The following FGGY variants were observed in gnomAD, a reference collection of about 807,000 sequenced individuals.
FGGY encodes FGGY carbohydrate kinase domain-containing protein.
A neutral mutation model predicts 71.3 loss-of-function variants in FGGY; 72 were observed. The ratio of observed to expected loss-of-function variants is 1.01; its 90% CI spans 0.84 to 1.23. The LOEUF is 1.23. FGGY is among the 50% of genes most tolerant of loss of function. The pLI is 0.00. For missense variants in FGGY, 668 were observed against 682.3 expected, an observed-to-expected ratio of 0.98 and a Z score of 0.23; for synonymous variants, 251 against 250.3, an observed-to-expected ratio of 1.00 and a Z score of -0.02.
chr1:59,357,283 AAAG>A (rs1247771542), intron 4 of FGGY, among the ~76,000 whole-genome samples: 2 of 139,686 alleles, frequency 1.4e-5, no homozygotes, highest in South Asian at 2.5e-4. Context: ...AAGGCAGACA[AAAG>A]AAAAAAAGTT....
intron 8 of FGGY, among the ~76,000 whole-genome samples, chr1:59,558,516 A>G (rs2153712790): frequency 6.6e-6 from 1 of 152,314 alleles, no homozygotes; most frequent in South Asian, 2.1e-4. Context: ...GTGCAAGAAC[A>G]GGGAGTAGGT....
chr1:59,379,162 A>ACACACACACACACACAC lies in FGGY; in HGVS notation c.554+325_554+326insCACACACACACACACAC, dbSNP rs2059056932. Among the ~76,000 whole-genome samples the ACACACACACACACACAC allele has an allele frequency of 4.9e-5, 7 of 143,236 alleles. No individual in the cohort carries two copies. In the South Asian group the frequency reaches 1.6e-3, roughly 32 times the overall value. 94.0% of individuals were successfully genotyped at this position (143,236 alleles called of 152,430 possible). Reference sequence around the variant, plus strand: ...ACATGATGAATAAAAGGAAAAAATAAACACACACACACACACACACACACA... The same window carrying ACACACACACACACACAC: ...ACATGATGAATAAAAGGAAAAAATAACACACACACACACACACACACACACACACACACACACACACA... On this transcript the variant is annotated intron_variant, in intron 5 of 15. Coordinates refer to ENST00000303721, the MANE Select transcript of FGGY (RefSeq NM_018291.5).
intron 7 of FGGY, among the ~76,000 whole-genome samples, chr1:59,545,426 C>T (rs2095505868): frequency 6.6e-6 from 1 of 152,092 alleles, no homozygotes; most frequent in Non-Finnish European, 1.5e-5. Flanking sequence ...GATTAGATTT[C>T]AACCTGATAC....
At chr1:59,667,122 T>C (rs1386809776) in intron 12 of FGGY, among the ~76,000 whole-genome samples, 161 bp from the exon 13 acceptor site, 1 of 152,254 alleles carries the variant, frequency 6.6e-6, no homozygotes. Context: ...TTTAAGTAAC[T>C]GTGTGATCAT....
intron 6 of FGGY, among the ~76,000 whole-genome samples, chr1:59,470,112 C>T (rs1052854579): frequency 2.0e-5 from 3 of 152,226 alleles, no homozygotes; most frequent in East Asian, 1.9e-4. Context: ...GGGGTATATA[C>T]CCAGTAATGA....
intron 12 of FGGY, among the ~76,000 whole-genome samples, chr1:59,664,583 C>T (rs1251849808): frequency 6.6e-6 from 1 of 152,224 alleles, no homozygotes; most frequent in Non-Finnish European, 1.5e-5. Flanking sequence ...AATTAGGAGA[C>T]AGCAATTCTC....
intron 7 of FGGY, among the ~76,000 whole-genome samples, chr1:59,538,762 G>A (rs551861016): frequency 2.1e-4 from 31 of 149,422 alleles, no homozygotes; most frequent in East Asian, 9.9e-4. Flanking sequence ...ACCAAATACC[G>A]CATATTCTCA....
At position 59,584,886 on chromosome 1, in the gene FGGY, G is replaced by C. The variant is rs140270013; in HGVS notation, c.904-22917G>C. ...TCTTATACACCAGTACAGACAAAGA[G>C]AGAGCCAAATCTTGAGTGAACTCCC... On this transcript the variant is annotated intron_variant, in intron 8 of 15. Transcript: ENST00000303721. Among the ~76,000 whole-genome samples the C allele has an allele frequency of 3.1e-4, 45 of 146,250 alleles. 5 individuals carry two copies. The highest frequency in any genetic ancestry group is 1.2e-3 in the African/African-American group (45 of 37,134).
At chr1:59,655,019 T>C (rs1181591408) in intron 11 of FGGY, among the ~76,000 whole-genome samples, 4 of 152,192 alleles carry the variant, frequency 2.6e-5, no homozygotes, top group African/African-American at 9.7e-5. Context: ...TACTCCTGCA[T>C]GCCTGTACCT....
At chr1:59,677,669 G>A (rs909580363) in intron 14 of FGGY, among the ~76,000 whole-genome samples, 4 of 152,174 alleles carry the variant, frequency 2.6e-5, no homozygotes, top group Non-Finnish European at 5.9e-5. Flanking sequence ...TGTAGACTCT[G>A]TGTATCTCAA....
intron 6 of FGGY, among the ~76,000 whole-genome samples, chr1:59,488,912 A>G (rs754919040): frequency 3.3e-5 from 5 of 152,032 alleles, no homozygotes; most frequent in Non-Finnish European, 5.9e-5. Context: ...TGCATTTCCA[A>G]CAGTCCATAA....
At chr1:59,701,504 A>T (rs1005992517) in intron 14 of FGGY, among the ~76,000 whole-genome samples, 1 of 152,154 alleles carries the variant, frequency 6.6e-6, no homozygotes, top group African/African-American at 2.4e-5. Flanking sequence ...CTCTGCTTGG[A>T]TAAAATTCCA....
intron 5 of FGGY, among the ~76,000 whole-genome samples, chr1:59,409,394 C>T (rs1345265534): frequency 2.0e-5 from 3 of 152,132 alleles, no homozygotes; most frequent in Non-Finnish European, 4.4e-5. Context: ...ATAACTGCTT[C>T]CAGACCTTCA....
rs532338842 is a variant in FGGY at position 59,386,398 on chromosome 1, G to A, written c.554+7561G>A. ...GTGAGACTTGGGTAGTTTGTTTTTCGGAGGAAGACCATAGAGATAAAATAC... is the reference window on the plus strand; with the variant it reads ...GTGAGACTTGGGTAGTTTGTTTTTCAGAGGAAGACCATAGAGATAAAATAC... On this transcript the variant is annotated intron_variant, in intron 5 of 15. Transcript: ENST00000303721. Among the ~76,000 whole-genome samples, 92 of 151,998 alleles carry A rather than the reference G, an allele frequency of 6.1e-4. No homozygotes were observed. In the South Asian group the frequency reaches 7.3e-3, roughly 12 times the overall value.
intron 6 of FGGY, among the ~76,000 whole-genome samples, chr1:59,461,590 A>G (rs2092220561): frequency 6.6e-6 from 1 of 152,210 alleles, no homozygotes; most frequent in African/African-American, 2.4e-5. Context: ...CTCCTCAAGA[A>G]GAGCAACCCC....
intron 7 of FGGY, among the ~76,000 whole-genome samples, chr1:59,553,417 G>T (rs890310667): frequency 6.6e-6 from 1 of 152,188 alleles, no homozygotes; most frequent in African/African-American, 2.4e-5. Context: ...AACTTTAGTT[G>T]CCCTGCAAGT....
At chr1:59,424,033 A>T (rs2065900234) in intron 5 of FGGY, among the ~76,000 whole-genome samples, 1 of 152,222 alleles carries the variant, frequency 6.6e-6, no homozygotes. Flanking sequence ...GGCCACTTAC[A>T]GTCAGTGTGT....
At chr1:59,310,794 T>C (rs1420922435) in intron 1 of FGGY, among the ~76,000 whole-genome samples, 1 of 152,216 alleles carries the variant, frequency 6.6e-6, no homozygotes, top group South Asian at 2.1e-4. Context: ...AGGAGCATGG[T>C]GCTTCAGCCA....
At chr1:59,420,130 G>T (rs745439587) in intron 5 of FGGY, among the ~76,000 whole-genome samples, 1 of 152,126 alleles carries the variant, frequency 6.6e-6, no homozygotes. Flanking sequence ...GCCGCTTTGG[G>T]CCCTTCACAA....
Sources: allele counts gnomAD v4.1 joint callset (sites outside exome capture counted in the v4.1 genomes callset), GRCh38; gene constraint gnomAD v4.1.1; transcripts MANE v1.5; gene names NCBI Gene and HGNC (gene_info 2026-07-23, HGNC 2026-07-21).